The following CAMSAP2 variants were observed in gnomAD, a reference collection of about 807,000 sequenced individuals.
CAMSAP2 encodes calmodulin regulated spectrin associated protein family member 2, also known as calmodulin-regulated spectrin-associated protein 2.
A neutral mutation model predicts 146.1 loss-of-function variants in CAMSAP2; 26 were observed. The observed-to-expected ratio is 0.18, with a 90% CI of 0.13 to 0.25. The LOEUF is 0.25. Ranked by LOEUF, CAMSAP2 falls within the 10% of genes least tolerant of loss-of-function variation. The pLI is 1.00. For synonymous variants in CAMSAP2, 499 were observed against 596.6 expected, an observed-to-expected ratio of 0.84 and a Z score of 2.38; for missense variants, 1,381 against 1,759.3, an observed-to-expected ratio of 0.78 and a Z score of 3.85.
rs368007509 is a variant in CAMSAP2, at chr1:200,857,707, G to C, written c.4132-47G>C. The C allele has an allele frequency of 2.1e-6, 3 of 1,421,226 alleles. No homozygotes were observed. The African/African-American group carries it at 4.3e-5, about 20-fold the overall frequency. 88.0% of individuals were successfully genotyped at this position (1,421,226 alleles called of 1,614,324 possible). A position where few individuals can be genotyped will look rare whatever the true frequency, so the allele number is the denominator to read the frequency against. On this transcript the variant is annotated intron_variant, in intron 16 of 16. Transcript: ENST00000358823. The surrounding 1 kb of genome is among the most constrained non-coding windows in gnomAD (Gnocchi z 4.7). ...TATAAACTTTATTCAGCAAAATAAA[G>C]GGTTTTTATTCGTGTTGTTATGTTG...
rs2102264522 is a variant in CAMSAP2 at position 200,853,860 on chromosome 1, T to C, written c.3823+365T>C. On this transcript the variant is annotated intron_variant, in intron 13 of 16. Transcript: ENST00000358823. This position sits in a 1 kb window ranked among gnomAD's most constrained non-coding sequence, Gnocchi z 5.1. ...AGAAACATGTTGGTATAATAAGGAA[T>C]GCAAGATCAAGAGTTCACAAGTCCC... is the stretch of plus-strand genomic sequence containing the variant. Among the ~76,000 whole-genome samples, 1 of 152,326 alleles carries C rather than the reference T, an allele frequency of 6.6e-6. No homozygotes were observed. The highest frequency in any genetic ancestry group is 1.5e-5 in the Non-Finnish European group (1 of 68,018).
At chr1:200,841,227 T>A (rs1431886689) in intron 6 of CAMSAP2, among the ~76,000 whole-genome samples, 1 of 152,212 alleles carries the variant, frequency 6.6e-6, no homozygotes, top group Non-Finnish European at 1.5e-5. Flanking sequence ...CTGGTGAGTT[T>A]AACATTACTG....
chr1:200,827,615 A>C (rs535780633), intron 4 of CAMSAP2, among the ~76,000 whole-genome samples: 1 of 152,112 alleles, frequency 6.6e-6, no homozygotes, highest in Admixed American at 6.6e-5. Context: ...GGAAGCTGGT[A>C]TGTTTCTGAT....
At chr1:200,847,782 A>C in intron 10 of CAMSAP2, 73 bp downstream of exon 10, 1 of 1,281,402 alleles carries the variant, frequency 7.8e-7, no homozygotes, top group South Asian at 1.3e-5. Context: ...TCTCTCTTTT[A>C]TTGATAACCA....
intron 1 of CAMSAP2, among the ~76,000 whole-genome samples, chr1:200,745,825 G>A (rs911485731): frequency 6.6e-6 from 1 of 152,138 alleles, no homozygotes; most frequent in Non-Finnish European, 1.5e-5. Context: ...TCTAATTTAC[G>A]TTTTATAGAA....
chr1:200,741,064 G>C (rs1349274821), intron 1 of CAMSAP2, among the ~76,000 whole-genome samples: 9 of 152,100 alleles, frequency 5.9e-5, no homozygotes, highest in Non-Finnish European at 1.3e-4. Flanking sequence ...TTTGGTAAAT[G>C]GTTTAGTTCA....
At chr1:200,760,271 A>G (rs1458583578) in intron 1 of CAMSAP2, among the ~76,000 whole-genome samples, 1 of 152,130 alleles carries the variant, frequency 6.6e-6, no homozygotes, top group Non-Finnish European at 1.5e-5. Flanking sequence ...CTCCTAAACA[A>G]TTGCTATAAT....
chr1:200,821,524 A>T (rs900979841), intron 4 of CAMSAP2, among the ~76,000 whole-genome samples: 5 of 151,918 alleles, frequency 3.3e-5, no homozygotes, highest in South Asian at 2.1e-4. Context: ...TCTTTTTTTT[A>T]AAATGTTTTT....
At position 200,746,464 on chromosome 1, in the gene CAMSAP2, G is replaced by C. The variant is rs569315353; in HGVS notation, c.139+6498G>C. The stretch of plus-strand genomic sequence containing the variant: ...AGTGTATGTGTTTAAGAGCGGGTTG[G>C]GGGGAAAGAACCATGTTGAGTTTGA... On this transcript the variant is annotated intron_variant, in intron 1 of 16. Coordinates refer to ENST00000358823, the MANE Select transcript of CAMSAP2 (RefSeq NM_203459.4). Among the ~76,000 whole-genome samples, 14 of 152,306 alleles carry C rather than the reference G, an allele frequency of 9.2e-5. No homozygotes were observed. The South Asian group carries it at 1.2e-3, about 14-fold the overall frequency.
intron 3 of CAMSAP2, among the ~76,000 whole-genome samples, chr1:200,810,792 G>A (rs1367318201): frequency 6.6e-6 from 1 of 152,036 alleles, no homozygotes; most frequent in East Asian, 1.9e-4. Context: ...GGGAGGCTGA[G>A]ACAGGAGAAC....
At chr1:200,744,076 A>G (rs1438620699) in intron 1 of CAMSAP2, among the ~76,000 whole-genome samples, 2 of 152,236 alleles carry the variant, frequency 1.3e-5, no homozygotes, top group Non-Finnish European at 2.9e-5. Flanking sequence ...TGAGGTGGAA[A>G]GGTTACTTAT....
chr1:200,747,188 C>T (rs1301681018), intron 1 of CAMSAP2, among the ~76,000 whole-genome samples: 1 of 152,134 alleles, frequency 6.6e-6, no homozygotes, highest in Non-Finnish European at 1.5e-5. Context: ...CGTGAGCCAC[C>T]CCACCCAGCT....
In CAMSAP2 at chr1:200,858,170, A is replaced by G. The variant is rs949973696; in HGVS notation, c.*111A>G. The G allele has an allele frequency of 1.7e-5, 16 of 942,774 alleles. No homozygotes were observed. In the Admixed American group the frequency reaches 1.7e-4, roughly 10 times the overall value. 58.4% of individuals were successfully genotyped at this position (942,774 alleles called of 1,614,324 possible). A position where few individuals can be genotyped will look rare whatever the true frequency, so the allele number is the denominator to read the frequency against. ...CAAGACTTTTATTAATTAAAACTGGACATTAAGCTCTGTTGTCATGAACAA... is the reference window on the plus strand; with the variant it reads ...CAAGACTTTTATTAATTAAAACTGGGCATTAAGCTCTGTTGTCATGAACAA... On this transcript the variant is annotated 3_prime_UTR_variant, in exon 17 of 17. Transcript: ENST00000358823.
intron 2 of CAMSAP2, among the ~76,000 whole-genome samples, chr1:200,803,032 C>G (rs1250858103): frequency 6.6e-6 from 1 of 152,170 alleles, no homozygotes; most frequent in African/African-American, 2.4e-5. Context: ...CTTCCATAAC[C>G]AGCCTTCCTG....
At chr1:200,756,223 C>T (rs550924155) in intron 1 of CAMSAP2, among the ~76,000 whole-genome samples, 3 of 152,052 alleles carry the variant, frequency 2.0e-5, no homozygotes, top group Non-Finnish European at 2.9e-5. Flanking sequence ...GAGGCCAAGG[C>T]GGGCAGATCA....
chr1:200,851,475 A>G (rs1306804637), intron 11 of CAMSAP2, among the ~76,000 whole-genome samples: 3 of 152,212 alleles, frequency 2.0e-5, no homozygotes, highest in African/African-American at 2.4e-5. Flanking sequence ...GATTACAGGC[A>G]TGAGCCCCCG....
At chr1:200,856,690 G>T (rs1667759653) in intron 15 of CAMSAP2, among the ~76,000 whole-genome samples, 1 of 152,202 alleles carries the variant, frequency 6.6e-6, no homozygotes, top group South Asian at 2.1e-4. Flanking sequence ...GGTAAGATAG[G>T]AAGGCATGGG....
At chr1:200,780,289 C>T (rs923375225) in intron 2 of CAMSAP2, among the ~76,000 whole-genome samples, 2 of 152,136 alleles carry the variant, frequency 1.3e-5, no homozygotes, top group African/African-American at 4.8e-5. Flanking sequence ...TACTTGTCAA[C>T]TCTTTGAAAA....
intron 3 of CAMSAP2, among the ~76,000 whole-genome samples, chr1:200,811,528 A>C (rs1403244184): frequency 1.3e-5 from 2 of 152,286 alleles, no homozygotes; most frequent in Non-Finnish European, 2.9e-5. Context: ...GATTTCACTC[A>C]GTGTGTTTCT....
Sources: gnomAD v4.1 joint callset for allele counts (sites outside exome capture counted in the v4.1 genomes callset) on GRCh38, gnomAD v4.1.1 for gene constraint, Gnocchi (gnomAD v3.1) non-coding constraint, MANE v1.5 for transcripts, NCBI Gene and HGNC (gene_info 2026-07-23, HGNC 2026-07-21) for gene names.